Variants in TMEM132D observed in about 807,000 individuals in gnomAD.
TMEM132D encodes mature OL transmembrane protein.
Under a neutral mutation model 62.3 loss-of-function variants are expected in TMEM132D, and 21 were observed. The ratio of observed to expected loss-of-function variants is 0.34; its 90% CI spans 0.24 to 0.49. TMEM132D has a LOEUF of 0.49. Among genes scored for constraint, TMEM132D ranks in the 20% least tolerant of loss-of-function variants. The probability of loss-of-function intolerance (pLI) is 0.99; values close to 1 mark genes in which losing one functional copy is unlikely to be tolerated. For synonymous variants in TMEM132D, 621 were observed against 575.6 expected (o/e 1.08, Z -1.13); for missense variants, 1,346 against 1,402.8 (o/e 0.96, Z 0.65).
At chr12:129,731,155 A>C (rs1869222296) in intron 1 of TMEM132D, among the ~76,000 whole-genome samples, 1 of 152,082 alleles carries the variant, frequency 6.6e-6, no homozygotes, top group South Asian at 2.1e-4. Context: ...GAAGGTTTAT[A>C]TAATGCTTTG....
intron 3 of TMEM132D, among the ~76,000 whole-genome samples, chr12:129,429,660 T>C (rs1196787494): frequency 6.6e-6 from 1 of 151,610 alleles, no homozygotes; most frequent in Non-Finnish European, 1.5e-5. Context: ...TGTATACATG[T>C]GCCATGTTAG....
At chr12:129,553,170 G>A (rs1372545649) in intron 2 of TMEM132D, among the ~76,000 whole-genome samples, 1 of 152,104 alleles carries the variant, frequency 6.6e-6, no homozygotes, top group Non-Finnish European at 1.5e-5. Flanking sequence ...GTCACTGCTT[G>A]TGGCTCATCA....
intron 4 of TMEM132D, among the ~76,000 whole-genome samples, chr12:129,332,519 C>G (rs890605924): frequency 6.6e-6 from 1 of 151,474 alleles, no homozygotes; most frequent in African/African-American, 2.5e-5. Context: ...GACCTCAGAT[C>G]CTTGACAACA....
chr12:129,731,061 C>A (rs1300496889), intron 1 of TMEM132D, among the ~76,000 whole-genome samples: 1 of 152,062 alleles, frequency 6.6e-6, no homozygotes, highest in Non-Finnish European at 1.5e-5. Flanking sequence ...CTCTAGAGAA[C>A]CCTGATTAAT....
intron 2 of TMEM132D, among the ~76,000 whole-genome samples, chr12:129,591,127 C>T (rs945031257): frequency 3.3e-5 from 5 of 152,148 alleles, no homozygotes; most frequent in African/African-American, 9.7e-5. Context: ...TATATACAAA[C>T]TCCGAATAGC....
intron 4 of TMEM132D, among the ~76,000 whole-genome samples, chr12:129,327,462 A>G (rs911837436): frequency 6.6e-6 from 1 of 152,238 alleles, no homozygotes; most frequent in Non-Finnish European, 1.5e-5. Flanking sequence ...TCAGTGACAC[A>G]ATCCACATTT....
chr12:129,271,171 G>T (rs1162877253), intron 4 of TMEM132D, among the ~76,000 whole-genome samples: 6 of 152,070 alleles, frequency 3.9e-5, no homozygotes, highest in Non-Finnish European at 8.8e-5. Flanking sequence ...TGTTTTGCTG[G>T]GACTGACTGA....
chr12:129,317,863 G>T (rs1214523500), intron 4 of TMEM132D, among the ~76,000 whole-genome samples: 1 of 152,036 alleles, frequency 6.6e-6, no homozygotes, highest in East Asian at 1.9e-4. Context: ...CTTTGTCTTT[G>T]TTGGGTTGGG....
intron 2 of TMEM132D, among the ~76,000 whole-genome samples, chr12:129,591,375 A>G (rs192158531): frequency 1.3e-5 from 2 of 152,330 alleles, no homozygotes; most frequent in East Asian, 3.9e-4. Flanking sequence ...TAATTTCAGA[A>G]CAGAGGAACT....
Position 129,487,034 on chromosome 12 carries a change from G to A in TMEM132D, c.1115+44025C>T, listed in dbSNP as rs112334338. Among the ~76,000 whole-genome samples the A allele has an allele frequency of 2.4e-3, 136 of 56,518 alleles. 1 individual carries two copies. Among genetic ancestry groups the A allele is most frequent in the African/African-American group, 3.3e-3 (91 of 27,410 alleles). 37.1% of individuals were successfully genotyped at this position (56,518 alleles called of 152,430 possible). A position where few individuals can be genotyped will look rare whatever the true frequency, so the allele number is the denominator to read the frequency against. ...GATGTCTGCGAATGTTTGCGTATGG[G>A]GGGGGGGGTTGTGGGTGTAGCTGTG... On this transcript the variant is annotated intron_variant, in intron 3 of 8. Transcript: ENST00000422113.
intron 5 of TMEM132D, among the ~76,000 whole-genome samples, chr12:129,133,676 T>C (rs1876446767): frequency 6.6e-6 from 1 of 152,244 alleles, no homozygotes; most frequent in Non-Finnish European, 1.5e-5. Flanking sequence ...CCAGTTATTT[T>C]TTCAGACATT....
At chr12:129,229,915 C>T (rs904749220) in intron 4 of TMEM132D, among the ~76,000 whole-genome samples, 5 of 152,188 alleles carry the variant, frequency 3.3e-5, no homozygotes, top group African/African-American at 1.2e-4. Context: ...AAGTCATTTG[C>T]AGTTTGGCCC....
chr12:129,663,135 G>A (rs1880284980), intron 2 of TMEM132D, among the ~76,000 whole-genome samples: 2 of 150,772 alleles, frequency 1.3e-5, no homozygotes, highest in Non-Finnish European at 2.9e-5. Context: ...AGCAACGTCT[G>A]CCCTTTTTTT....
intron 1 of TMEM132D, among the ~76,000 whole-genome samples, chr12:129,822,790 G>A (rs1345991989): frequency 1.3e-5 from 2 of 152,084 alleles, no homozygotes; most frequent in Non-Finnish European, 2.9e-5. Context: ...GACGAGCATG[G>A]GGAAAATCAC....
chr12:129,281,271 C>T (rs569290831), intron 4 of TMEM132D, among the ~76,000 whole-genome samples: 21 of 152,272 alleles, frequency 1.4e-4, no homozygotes, highest in African/African-American at 5.1e-4. Context: ...CTTACCCCCA[C>T]TTCAGATTTA....
chr12:129,495,284 G>A (rs1874917559), intron 3 of TMEM132D, among the ~76,000 whole-genome samples: 1 of 152,186 alleles, frequency 6.6e-6, no homozygotes, highest in African/African-American at 2.4e-5. Context: ...GCAGTTTAGG[G>A]CTGTTGCGTA....
intron 2 of TMEM132D, among the ~76,000 whole-genome samples, chr12:129,635,557 C>T (rs1454139850): frequency 1.3e-5 from 2 of 152,208 alleles, no homozygotes; most frequent in Non-Finnish European, 2.9e-5. Context: ...CCAGTGCATG[C>T]CTTTACTCCA....
chr12:129,503,735 T>C (rs1239596842), intron 3 of TMEM132D, among the ~76,000 whole-genome samples: 1 of 152,174 alleles, frequency 6.6e-6, no homozygotes, highest in African/African-American at 2.4e-5. Flanking sequence ...AAAAACAAGA[T>C]GGGAGACAAG....
At chr12:129,880,953 C>T (rs73440472) in intron 1 of TMEM132D, among the ~76,000 whole-genome samples, 6,148 of 151,960 alleles carry the variant, frequency 0.04, 405 homozygotes, top group African/African-American at 0.14. Context: ...TATAAAGTAA[C>T]GCCCATTTAC....
Sources: gnomAD v4.1 joint callset for allele counts (sites outside exome capture counted in the v4.1 genomes callset) on GRCh38, gnomAD v4.1.1 for gene constraint, MANE v1.5 for transcripts, NCBI Gene and HGNC (gene_info 2026-07-23, HGNC 2026-07-21) for gene names.